RFC1: variants seen among roughly 807,000 people sequenced by gnomAD.
The protein encoded by RFC1 is replication factor C subunit 1, also known as A1 140 kDa subunit.
A neutral mutation model predicts 137.4 loss-of-function variants in RFC1; 37 were observed. The observed-to-expected ratio is 0.27, with a 90% CI of 0.21 to 0.35. The LOEUF (loss-of-function observed/expected upper bound fraction) is 0.35, where lower values mean the gene tolerates loss of function less well. RFC1 is among the 10% of genes least tolerant of loss of function. The probability of loss-of-function intolerance (pLI) is 1.00; values close to 1 mark genes in which losing one functional copy is unlikely to be tolerated. For missense variants in RFC1, 1,205 were observed against 1,358.5 expected (o/e 0.89, Z 1.78); for synonymous variants, 429 against 455.7 (o/e 0.94, Z 0.75).
chr4:39,335,761 T>G (rs1740317680), intron 4 of RFC1, among the ~76,000 whole-genome samples: 1 of 152,148 alleles, frequency 6.6e-6, no homozygotes, highest in South Asian at 2.1e-4. Flanking sequence ...GATTCTGCAA[T>G]CGATGCAATT....
chr4:39,314,061 A>G (rs751689983), intron 10 of RFC1, among the ~76,000 whole-genome samples: 1 of 152,268 alleles, frequency 6.6e-6, no homozygotes, highest in African/African-American at 2.4e-5. Context: ...AGATTAATAA[A>G]CTTAAAATGG....
intron 9 of RFC1, chr4:39,317,806 T>G (rs1307125090): frequency 6.6e-6 from 1 of 152,222 alleles, no homozygotes; most frequent in Admixed American, 6.5e-5. Context: ...AACATTATTT[T>G]TAACTTGTAA....
chr4:39,313,531 A>C lies in RFC1; in HGVS notation c.1204-600T>G, dbSNP rs1578127656. ...CCCGCAAGAGCTAAGTAGGATCTTA[A>C]CTGTAAGTTGAAGGGAGTTTTGCCC... is the stretch of plus-strand genomic sequence containing the variant. On this transcript the variant is annotated intron_variant, in intron 10 of 24. Coordinates refer to ENST00000349703, the MANE Select transcript of RFC1 (RefSeq NM_002913.5). Among the ~76,000 whole-genome samples, 4 of 152,326 alleles carry C rather than the reference A, an allele frequency of 2.6e-5. 1 individual carries two copies. Among genetic ancestry groups the C allele is most frequent in the Admixed American group, 2.6e-4 (4 of 15,296 alleles).
intron 4 of RFC1, among the ~76,000 whole-genome samples, chr4:39,330,306 A>G (rs947141935): frequency 2.0e-4 from 31 of 152,210 alleles, no homozygotes; most frequent in African/African-American, 6.8e-4. Context: ...TAATTATTAT[A>G]TTTATATTAA....
chr4:39,290,352 A>T (rs937610119), intron 23 of RFC1, among the ~76,000 whole-genome samples: 1 of 147,068 alleles, frequency 6.8e-6, no homozygotes, highest in Non-Finnish European at 1.5e-5. Flanking sequence ...CAGGCTGGGT[A>T]ACAGAGTGAG....
intron 6 of RFC1, 62 bp from the exon 7 acceptor site, chr4:39,323,479 TA>T: frequency 7.5e-7 from 1 of 1,335,316 alleles, no homozygotes; most frequent in Non-Finnish European, 1.1e-6. Flanking sequence ...ATAGAATTTT[TA>T]AATGTCTGAT....
rs749720141 is a variant in RFC1 at position 39,308,827 on chromosome 4, C to A, written c.1694G>T (p.Gly565Val). ...FKEQVAEETS[G>V]DSKARNLADD... ...AGCCAAATTCCTAGCCTTGCTGTCA[C>A]CACTTGTCTCCTCAGCCACCTGCTC... is the stretch of plus-strand genomic sequence containing the variant. Residue 565 changes from glycine (G) to valine (V), a missense_variant, in exon 13 of 25, where the codon GGT (glycine) becomes GTT (valine). Physicochemically the swap from Gly to Val is moderately radical, Grantham distance 109 (BLOSUM62 -3). Coordinates refer to ENST00000349703, the MANE Select transcript of RFC1 (RefSeq NM_002913.5). 1 of 1,614,160 alleles carries A rather than the reference C, an allele frequency of 6.2e-7. No individual in the cohort carries two copies. Among genetic ancestry groups the A allele is most frequent in the South Asian group, 1.1e-5 (1 of 91,074 alleles).
At chr4:39,299,481 C>T (rs1365483816) in intron 21 of RFC1, among the ~76,000 whole-genome samples, 2 of 151,728 alleles carry the variant, frequency 1.3e-5, no homozygotes, top group Non-Finnish European at 1.5e-5. Flanking sequence ...GGCGTGGTGA[C>T]GGGCGCCTGT....
intron 2 of RFC1, among the ~76,000 whole-genome samples, chr4:39,349,958 C>T (rs534212039): frequency 6.6e-6 from 1 of 152,078 alleles, no homozygotes; most frequent in African/African-American, 2.4e-5. Context: ...GAGCCGAGAT[C>T]GTGCCATTGC....
chr4:39,365,153 G>GAAAA (rs745527928), intron 1 of RFC1, among the ~76,000 whole-genome samples: 3,770 of 79,704 alleles, frequency 0.047, 128 homozygotes, highest in Non-Finnish European at 0.06. Flanking sequence ...GGGTTGAAAT[G>GAAAA]AAAAAAAAAA....
At position 39,314,116 on chromosome 4, in the gene RFC1, G is replaced by A. The variant is rs897985789; in HGVS notation, c.1204-1185C>T. Among the ~76,000 whole-genome samples, 6 of 152,188 alleles carry A rather than the reference G, an allele frequency of 3.9e-5. 1 individual carries two copies. The highest frequency in any genetic ancestry group is 4.1e-4 in the South Asian group (2 of 4,824). The stretch of plus-strand genomic sequence containing the variant: ...ACCAAAATTCAAAGACTGCCTCCAT[G>A]TAAGTTCAATCCTTCACCATTCAGA... On this transcript the variant is annotated intron_variant, in intron 10 of 24. Coordinates refer to ENST00000349703, the MANE Select transcript of RFC1 (RefSeq NM_002913.5).
At chr4:39,354,074 T>G (rs1229110354) in intron 1 of RFC1, among the ~76,000 whole-genome samples, 1 of 152,190 alleles carries the variant, frequency 6.6e-6, no homozygotes, top group Non-Finnish European at 1.5e-5. Context: ...CATCCTCCTT[T>G]CTTTCCCTTT....
intron 24 of RFC1, among the ~76,000 whole-genome samples, chr4:39,289,280 G>A (rs929050962): frequency 6.6e-5 from 10 of 152,146 alleles, no homozygotes; most frequent in Admixed American, 2.6e-4. Context: ...TGTTAGGGTC[G>A]ACATGGGAGC....
intron 1 of RFC1, among the ~76,000 whole-genome samples, chr4:39,353,399 A>AAAAG (rs1430764434): frequency 8.2e-5 from 12 of 145,744 alleles, no homozygotes; most frequent in Admixed American, 2.0e-4. Flanking sequence ...GACTGTCTCA[A>AAAAG]AAAAAAAAAA....
chr4:39,341,740 A>G (rs1740615618), intron 4 of RFC1: 1 of 451,596 alleles, frequency 2.2e-6, no homozygotes, highest in Non-Finnish European at 4.5e-6. Context: ...GGATGACAAT[A>G]TAACTCTGGG....
chr4:39,334,185 T>C (rs1447806897), intron 4 of RFC1, among the ~76,000 whole-genome samples: 4 of 152,118 alleles, frequency 2.6e-5, no homozygotes, highest in Non-Finnish European at 4.4e-5. Flanking sequence ...ATCCTAAGCA[T>C]TGAGATATTT....
intron 9 of RFC1, among the ~76,000 whole-genome samples, chr4:39,320,078 G>C (rs953317923): frequency 6.6e-6 from 1 of 152,144 alleles, no homozygotes; most frequent in African/African-American, 2.4e-5. Flanking sequence ...GGCCGGGCGC[G>C]GTGGCTCACA....
intron 14 of RFC1, among the ~76,000 whole-genome samples, chr4:39,305,891 G>A: frequency 6.6e-6 from 1 of 152,084 alleles, no homozygotes; most frequent in Admixed American, 6.5e-5. Context: ...AAACACAGTG[G>A]AAACAGATAA....
chr4:39,347,682 C>T (rs866245912), intron 2 of RFC1, among the ~76,000 whole-genome samples: 4 of 152,076 alleles, frequency 2.6e-5, no homozygotes, highest in South Asian at 2.1e-4. Context: ...GAAATATGAA[C>T]GTTAAATGTA....
Sources: allele counts gnomAD v4.1 joint callset (sites outside exome capture counted in the v4.1 genomes callset), GRCh38; gene constraint gnomAD v4.1.1; transcripts MANE v1.5; gene names NCBI Gene and HGNC (gene_info 2026-07-23, HGNC 2026-07-21).